The following SNRPN variants were observed in gnomAD, a reference collection of about 807,000 sequenced individuals.
SNRPN encodes the protein small nuclear ribonucleoprotein polypeptide N.
Under a neutral mutation model 25.2 loss-of-function variants are expected in SNRPN, and 7 were observed. That is an observed-to-expected ratio of 0.28 (90% CI 0.16 to 0.52). The LOEUF (loss-of-function observed/expected upper bound fraction) is 0.52, where lower values mean the gene tolerates loss of function less well. Among genes scored for constraint, SNRPN ranks in the 20% least tolerant of loss-of-function variants. SNRPN has a pLI of 0.96. For synonymous variants in SNRPN, 124 were observed against 110.6 expected, an observed-to-expected ratio of 1.12 and a Z score of -0.76; for missense variants, 196 against 322.5, an observed-to-expected ratio of 0.61 and a Z score of 3.00.
At chr15:24,832,305 C>T (rs964586651) in intron 2 of SNRPN, among the ~76,000 whole-genome samples, 2 of 152,028 alleles carry the variant, frequency 1.3e-5, no homozygotes, top group Admixed American at 6.5e-5. Context: ...TTTAGATCTA[C>T]TCTGACAATG....
At position 24,938,856 on chromosome 15, in the gene SNRPN, C is replaced by T. The variant is rs575792774; in HGVS notation, c.-391+18732C>T. On this transcript the variant is annotated intron_variant, in intron 3 of 11. Transcript: ENST00000400097. ...ATAGAATATGGGAAATAGTGGCCAG[C>T]GAGAGTTAGCTAAGGAGTTGGCTGG... is the stretch of plus-strand genomic sequence containing the variant. 1.2e-4 allele frequency among the ~76,000 whole-genome samples: 18 copies of T among 152,080 alleles called. No homozygotes were observed. The East Asian group carries it at 1.6e-3, about 13-fold the overall frequency.
At chr15:24,934,604 G>A (rs184202351) in intron 3 of SNRPN, among the ~76,000 whole-genome samples, 29 of 152,260 alleles carry the variant, frequency 1.9e-4, no homozygotes, top group African/African-American at 7.0e-4. Flanking sequence ...TGTCATCCAG[G>A]CTATAAAGCA....
chr15:24,899,752 G>A (rs752114514), intron 2 of SNRPN, among the ~76,000 whole-genome samples: 16 of 152,146 alleles, frequency 1.1e-4, no homozygotes, highest in Non-Finnish European at 1.6e-4. Context: ...CACTGGTGCC[G>A]CACACTGTGA....
Position 24,955,067 on chromosome 15 carries a change from G to C in SNRPN, c.-391+5G>C. 4 of 1,613,516 alleles carry C rather than the reference G, an allele frequency of 2.5e-6. No homozygotes were observed. Among genetic ancestry groups the C allele is most frequent in the Non-Finnish European group, 3.4e-6 (4 of 1,180,010 alleles). On this transcript the variant is annotated splice_donor_5th_base_variant and intron_variant, in intron 1 of 9. Transcript: ENST00000390687. ...TGACGCGATGGAGCGGGCAAGGTCA[G>C]CTGTGCCGGTGGCTTCTCTCAAGAG...
intron 1 of SNRPN, among the ~76,000 whole-genome samples, chr15:24,875,459 G>A (rs1167228128): frequency 1.3e-5 from 2 of 152,038 alleles, no homozygotes; most frequent in Admixed American, 6.6e-5. Flanking sequence ...ACATTAAATC[G>A]TTTTTAAGTT....
upstream of SNRPN, among the ~76,000 whole-genome samples, chr15:24,950,537 C>T (rs1400689036): frequency 1.4e-5 from 2 of 142,810 alleles, no homozygotes; most frequent in East Asian, 2.0e-4. Flanking sequence ...AAGATATGTT[C>T]TCATTTCTTT....
chr15:24,855,155 A>G (rs1566828938), upstream of SNRPN, among the ~76,000 whole-genome samples: 1 of 152,182 alleles, frequency 6.6e-6, no homozygotes, highest in Admixed American at 6.6e-5. Context: ...TTTATTCTCC[A>G]TTGTGAAATG....
chr15:24,954,873 T>C, upstream of SNRPN: 2 of 844,706 alleles, frequency 2.4e-6, no homozygotes, highest in South Asian at 3.3e-5. Flanking sequence ...GGGAGGGAGC[T>C]GGGACCCCTG....
In SNRPN at chr15:24,929,117, A is replaced by C. The variant is rs2060619036; in HGVS notation, c.-391+8993A>C. On this transcript the variant is annotated intron_variant, in intron 3 of 11. Coordinates refer to the SNRPN transcript ENST00000400097. This position sits in a 1 kb window ranked among gnomAD's most constrained non-coding sequence, Gnocchi z 5.3. ...GGCCCTTCCAGATATACGGGATATAAAGATATAGCTATATGTATGTGACTA... is the reference window on the plus strand; with the variant it reads ...GGCCCTTCCAGATATACGGGATATACAGATATAGCTATATGTATGTGACTA... Among the ~76,000 whole-genome samples, 1 of 152,170 alleles carries C rather than the reference A, an allele frequency of 6.6e-6. No homozygotes were observed. The highest frequency in any genetic ancestry group is 2.4e-5 in the African/African-American group (1 of 41,440).
chr15:24,872,665 G>C lies in SNRPN; in HGVS notation c.-578-13851G>C, dbSNP rs934781549. On this transcript the variant is annotated intron_variant, in intron 1 of 11. Transcript: ENST00000400097. ...GCAGGCTGAGACAGCAGAATCGCTT[G>C]AACCTGGGAAGCAGAGGTTGTGGTG... 1.8e-5 allele frequency among the ~76,000 whole-genome samples: 2 copies of C among 108,412 alleles called. 1 individual carries two copies. Among genetic ancestry groups the C allele is most frequent in the Non-Finnish European group, 3.9e-5 (2 of 51,688 alleles). The allele number at this position is 108,412 out of a possible 152,430, so 71.1% of individuals were successfully genotyped here. A position where few individuals can be genotyped will look rare whatever the true frequency, so the allele number is the denominator to read the frequency against.
intron 3 of SNRPN, among the ~76,000 whole-genome samples, chr15:24,937,175 A>T (rs1196285978): frequency 5.3e-5 from 8 of 152,158 alleles, no homozygotes; most frequent in Non-Finnish European, 1.2e-4. Flanking sequence ...AGGGAGCCGG[A>T]GATTGCAGCA....
chr15:24,967,922 C>G lies in SNRPN; in HGVS notation c.-294-10C>G, dbSNP rs745706896. 6.2e-7 allele frequency: 1 copy of G among 1,608,352 alleles called. No homozygotes were observed. The highest frequency in any genetic ancestry group is 1.7e-5 in the Admixed American group (1 of 59,812). On this transcript the variant is annotated splice_polypyrimidine_tract_variant and intron_variant, in intron 2 of 9. Transcript: ENST00000390687. ...TTTTATCATTTATATATATTGTGCTCTTGTTGTAGGTGTCAGTTGTACCCG... is the reference window on the plus strand; with the variant it reads ...TTTTATCATTTATATATATTGTGCTGTTGTTGTAGGTGTCAGTTGTACCCG...
chr15:24,904,527 C>T (rs905346048), intron 2 of SNRPN, among the ~76,000 whole-genome samples: 2 of 151,842 alleles, frequency 1.3e-5, no homozygotes, highest in South Asian at 2.1e-4. Context: ...TGGTGCCGCG[C>T]GCCTGTAATC....
chr15:24,889,477 T>G (rs927300057), intron 2 of SNRPN, among the ~76,000 whole-genome samples: 2 of 151,494 alleles, frequency 1.3e-5, no homozygotes, highest in Non-Finnish European at 2.9e-5. Context: ...TAATTTTTTT[T>G]TGTATTTTTA....
chr15:24,843,787 A>AC, intron 2 of SNRPN, among the ~76,000 whole-genome samples: 2 of 113,702 alleles, frequency 1.8e-5, no homozygotes, highest in Non-Finnish European at 3.7e-5. Flanking sequence ...ACTCCATCAC[A>AC]AACACACACA....
intron 2 of SNRPN, among the ~76,000 whole-genome samples, chr15:24,846,553 T>G (rs1022516695): frequency 6.6e-6 from 1 of 152,196 alleles, no homozygotes; most frequent in African/African-American, 2.4e-5. Flanking sequence ...AAACCAAATT[T>G]AAATAGTCAT....
Position 24,872,326 on chromosome 15 carries a change from C to T in SNRPN, c.-578-14190C>T, listed in dbSNP as rs534865002. ...AGGATTACAGGTGCCTGCCACCACA[C>T]TAGGCTAATTTTGTATTTTTAGTAG... On this transcript the variant is annotated intron_variant, in intron 1 of 11. Coordinates refer to the SNRPN transcript ENST00000400097. 1.7e-5 allele frequency among the ~76,000 whole-genome samples: 2 copies of T among 117,910 alleles called. 1 individual carries two copies. The highest frequency in any genetic ancestry group is 6.1e-4 in the East Asian group (2 of 3,284). 77.4% of individuals were successfully genotyped at this position (117,910 alleles called of 152,430 possible). A position where few individuals can be genotyped will look rare whatever the true frequency, so the allele number is the denominator to read the frequency against.
intron 1 of SNRPN, among the ~76,000 whole-genome samples, chr15:24,868,363 A>T (rs548699094): frequency 1.2e-4 from 19 of 152,314 alleles, no homozygotes; most frequent in African/African-American, 4.6e-4. Context: ...TGTTGTCCAG[A>T]GGCTGCATTC....
intron 1 of SNRPN, among the ~76,000 whole-genome samples, chr15:24,866,103 A>G (rs145679998): frequency 3.9e-5 from 6 of 152,236 alleles, no homozygotes; most frequent in Admixed American, 2.0e-4. Context: ...ATTATTATGT[A>G]ATGCCTTTCT....
Sources: gnomAD v4.1 joint callset for allele counts (sites outside exome capture counted in the v4.1 genomes callset) on GRCh38, gnomAD v4.1.1 for gene constraint, Gnocchi (gnomAD v3.1) non-coding constraint, MANE v1.5 for transcripts, NCBI Gene and HGNC (gene_info 2026-07-23, HGNC 2026-07-21) for gene names.